Variants in CNIH3 observed in about 807,000 individuals in gnomAD.
CNIH3 encodes cornichon family AMPA receptor auxiliary protein 3, also known as protein cornichon homolog 3.
A neutral mutation model predicts 24.1 loss-of-function variants in CNIH3; 14 were observed. The observed-to-expected ratio is 0.58, with a 90% confidence interval of 0.38 to 0.91. CNIH3 has a LOEUF of 0.91. Ranked by LOEUF, CNIH3 falls within the 40% of genes least tolerant of loss-of-function variation. The probability of loss-of-function intolerance (pLI) is 0.00; values close to 1 mark genes in which losing one functional copy is unlikely to be tolerated. For synonymous variants in CNIH3, 68 were observed against 73.8 expected, an observed-to-expected ratio of 0.92 and a Z score of 0.40; for missense variants, 178 against 196.8, an observed-to-expected ratio of 0.90 and a Z score of 0.57.
chr1:224,473,219 CA>C (rs1482410418), intron 1 of CNIH3, among the ~76,000 whole-genome samples: 1 of 151,760 alleles, frequency 6.6e-6, no homozygotes, highest in African/African-American at 2.4e-5. Context: ...TAAAACATAC[CA>C]CAAGAAAATC....
At chr1:224,534,677 A>T (rs1002934592) in intron 2 of CNIH3, among the ~76,000 whole-genome samples, 1 of 152,210 alleles carries the variant, frequency 6.6e-6, no homozygotes, top group African/African-American at 2.4e-5. Flanking sequence ...TAGCATGAAC[A>T]TGGAGTCCTT....
chr1:224,574,064 T>C (rs1174157194), intron 4 of CNIH3, among the ~76,000 whole-genome samples: 2 of 152,282 alleles, frequency 1.3e-5, no homozygotes, highest in African/African-American at 4.8e-5. Flanking sequence ...TTTTATATGT[T>C]CTAATTAGAA....
chr1:224,609,756 G>C (rs1376241640), intron 3 of CNIH3, among the ~76,000 whole-genome samples: 1 of 152,204 alleles, frequency 6.6e-6, no homozygotes, highest in Non-Finnish European at 1.5e-5. Flanking sequence ...ACTTAACTGA[G>C]CTTCCCATGA....
chr1:224,611,917 C>T (rs1167878233), upstream of CNIH3, among the ~76,000 whole-genome samples: 1 of 152,278 alleles, frequency 6.6e-6, no homozygotes, highest in South Asian at 2.1e-4. Flanking sequence ...TTTGAAATAA[C>T]GAGCAGTAAC....
chr1:224,465,586 G>C (rs1020246770), intron 1 of CNIH3, among the ~76,000 whole-genome samples: 5 of 152,090 alleles, frequency 3.3e-5, no homozygotes, highest in African/African-American at 1.2e-4. Context: ...TATTATTTTT[G>C]CTTGAACAGC....
At chr1:224,545,404 T>C (rs1679665572) in intron 2 of CNIH3, among the ~76,000 whole-genome samples, 1 of 152,238 alleles carries the variant, frequency 6.6e-6, no homozygotes, top group Non-Finnish European at 1.5e-5. Context: ...GAAATGAGCT[T>C]TTAGATGAGT....
rs569682914 is a variant in CNIH3 at position 224,739,584 on chromosome 1, C to T, written c.*228C>T. On this transcript the variant is annotated 3_prime_UTR_variant, in exon 6 of 6. Coordinates refer to ENST00000272133, the MANE Select transcript of CNIH3 (RefSeq NM_152495.2). ...CAATCTTTGGCATTCGAATTCCACACACGGGGTCCTAGAGCCCTTCTGAGC... is the reference window on the plus strand; with the variant it reads ...CAATCTTTGGCATTCGAATTCCACATACGGGGTCCTAGAGCCCTTCTGAGC... 1.8e-4 allele frequency: 136 copies of T among 747,904 alleles called. No individual in the cohort carries two copies. In the African/African-American group the frequency reaches 2.1e-3, roughly 12 times the overall value. 46.3% of individuals were successfully genotyped at this position (747,904 alleles called of 1,614,324 possible).
chr1:224,565,435 C>T (rs16841702), intron 3 of CNIH3: 57,553 of 151,978 alleles, frequency 0.38, 11,623 homozygotes, highest in African/African-American at 0.53. Context: ...GTTTGTCCAG[C>T]GGGCCTGAAG....
At chr1:224,652,664 A>G (rs1684914060) in intron 1 of CNIH3, among the ~76,000 whole-genome samples, 2 of 152,302 alleles carry the variant, frequency 1.3e-5, no homozygotes, top group South Asian at 2.1e-4. Flanking sequence ...GCCTGGCTGC[A>G]CACACCACAT....
At chr1:224,550,040 GGAT>G (rs1275383136) in intron 3 of CNIH3, among the ~76,000 whole-genome samples, 2 of 152,042 alleles carry the variant, frequency 1.3e-5, no homozygotes, top group African/African-American at 4.8e-5. Flanking sequence ...AATATCAGAG[GGAT>G]GATATTTCTA....
chr1:224,712,540 A>G (rs963007330), intron 3 of CNIH3, among the ~76,000 whole-genome samples: 1 of 152,232 alleles, frequency 6.6e-6, no homozygotes, highest in Non-Finnish European at 1.5e-5. Context: ...GAATGAATGA[A>G]TGAATACATG....
intron 1 of CNIH3, among the ~76,000 whole-genome samples, chr1:224,617,799 G>A (rs746712494): frequency 4.7e-4 from 71 of 152,278 alleles, no homozygotes; most frequent in African/African-American, 1.6e-3. Context: ...GGCGGTGGGG[G>A]AAAGGCGAGA....
intron 4 of CNIH3, among the ~76,000 whole-genome samples, chr1:224,573,620 A>G (rs764827392): frequency 1.6e-4 from 25 of 152,216 alleles, no homozygotes; most frequent in Non-Finnish European, 8.8e-5. Flanking sequence ...AAATTAACCC[A>G]GAGTCAGGAA....
chr1:224,537,462 A>G (rs903952171), downstream of CNIH3: 1 of 152,066 alleles, frequency 6.6e-6, no homozygotes, highest in Non-Finnish European at 1.5e-5. Flanking sequence ...TCTCTTACCT[A>G]CCTGTGATCT....
chr1:224,697,695 G>T (rs1399938416), intron 3 of CNIH3, among the ~76,000 whole-genome samples: 1 of 152,164 alleles, frequency 6.6e-6, no homozygotes, highest in Non-Finnish European at 1.5e-5. Context: ...CCCCCAGAAT[G>T]CTCACCCTTC....
chr1:224,616,202 C>A (rs927392736), upstream of CNIH3: 36 of 154,940 alleles, frequency 2.3e-4, no homozygotes, highest in Non-Finnish European at 4.5e-4. Context: ...ACCCACCTTT[C>A]CTCAGCCCCC....
Position 224,725,950 on chromosome 1 carries a change from AAGGG to A in CNIH3, c.199-4511_199-4508del, listed in dbSNP as rs1689002486. Reference sequence around the variant, plus strand: ...GATTCTATTGTTTTCATAATCTATAAAGGGTACCAATCAGCTGCAGGTCATTGAT... The same window carrying A: ...GATTCTATTGTTTTCATAATCTATAATACCAATCAGCTGCAGGTCATTGAT... On this transcript the variant is annotated intron_variant, in intron 3 of 5. Transcript: ENST00000272133. Among the ~76,000 whole-genome samples, 4 of 152,360 alleles carry A rather than the reference AAGGG, an allele frequency of 2.6e-5. No individual in the cohort carries two copies. The East Asian group carries it at 7.7e-4, about 29-fold the overall frequency.
intron 3 of CNIH3, among the ~76,000 whole-genome samples, chr1:224,709,142 T>G (rs1443193804): frequency 6.6e-6 from 1 of 152,202 alleles, no homozygotes; most frequent in East Asian, 1.9e-4. Context: ...CCACTTGTGC[T>G]CCTGAGTAAG....
chr1:224,569,744 G>A (rs1558169214), intron 4 of CNIH3, among the ~76,000 whole-genome samples: 1 of 151,754 alleles, frequency 6.6e-6, no homozygotes, highest in Non-Finnish European at 1.5e-5. Flanking sequence ...ATCTTATTGT[G>A]GTTTGTTCTT....
Sources: allele counts gnomAD v4.1 joint callset (sites outside exome capture counted in the v4.1 genomes callset), GRCh38; gene constraint gnomAD v4.1.1; transcripts MANE v1.5; gene names NCBI Gene and HGNC (gene_info 2026-07-23, HGNC 2026-07-21).